The following NBPF12 variants were observed in gnomAD, a reference collection of about 807,000 sequenced individuals.
NBPF12 encodes the protein NBPF member 12.
NBPF12 carries 115 observed loss-of-function variants against 146.4 expected under a neutral mutation model. The observed-to-expected ratio is 0.79, with a 90% CI of 0.68 to 0.92. The LOEUF (loss-of-function observed/expected upper bound fraction) is 0.92. Ranked by LOEUF, NBPF12 falls within the 40% of genes least tolerant of loss-of-function variation. The pLI is 0.00. For synonymous variants in NBPF12, 385 were observed against 508.9 expected, an observed-to-expected ratio of 0.76 and a Z score of 3.28; for missense variants, 1,205 against 1,326.8, an observed-to-expected ratio of 0.91 and a Z score of 1.43.
rs374508059 is a variant in NBPF12, at chr1:146,994,923, A to G, written c.*348A>G. On this transcript the variant is annotated 3_prime_UTR_variant, in exon 34 of 34. Coordinates refer to ENST00000617844, the Ensembl canonical transcript of NBPF12. ...TCTATACCTACTCAAGGTCAGTGTC[A>G]TCTTTGTGTTTAGTTCATCCAAAGG... 1,984 of 384,292 alleles carry G rather than the reference A, an allele frequency of 5.2e-3. 56 individuals are homozygous for G. Among genetic ancestry groups the G allele is most frequent in the South Asian group, 0.041 (1,674 of 40,394 alleles). The allele number at this position is 384,292 out of a possible 1,614,324, so 23.8% of individuals were successfully genotyped here.
chr1:146,948,513 G>C (rs1655173221), upstream of NBPF12, among the ~76,000 whole-genome samples: 1 of 151,770 alleles, frequency 6.6e-6, no homozygotes, highest in South Asian at 2.1e-4. Context: ...GGCTGTTCAG[G>C]GTGTGCTTTG....
Position 146,944,035 on chromosome 1 carries a change from C to T in NBPF12, c.-550+473C>T, listed in dbSNP as rs1654915546. On this transcript the variant is annotated intron_variant, in intron 2 of 35. Transcript: ENST00000617931. ...TGTGTGTGGTTTTAGGCAGTGCCCTCTAGGTGTGTCCAGGATGGGGAAACA... is the reference window on the plus strand; with the variant it reads ...TGTGTGTGGTTTTAGGCAGTGCCCTTTAGGTGTGTCCAGGATGGGGAAACA... 3.6e-5 allele frequency among the ~76,000 whole-genome samples: 4 copies of T among 111,434 alleles called. 1 individual carries two copies. The highest frequency in any genetic ancestry group is 7.2e-5 in the Non-Finnish European group (4 of 55,694). The allele number at this position is 111,434 out of a possible 152,430, so 73.1% of individuals were successfully genotyped here. A position where few individuals can be genotyped will look rare whatever the true frequency, so the allele number is the denominator to read the frequency against.
chr1:146,939,362 C>G (rs1297714122), intron 1 of NBPF12, among the ~76,000 whole-genome samples: 48 of 152,180 alleles, frequency 3.2e-4, no homozygotes, highest in Non-Finnish European at 6.0e-4. Context: ...AGCGCTCGCG[C>G]CCCTGACTTG....
chr1:146,955,823 G>A (rs1457629710), intron 2 of NBPF12, among the ~76,000 whole-genome samples: 32 of 151,370 alleles, frequency 2.1e-4, no homozygotes, highest in Non-Finnish European at 4.3e-4. Flanking sequence ...TGGAGGCCTG[G>A]GGAGTTTCTT....
chr1:146,992,596 G>A lies in NBPF12; in HGVS notation c.3849-116G>A, dbSNP rs1272058188. The A allele has an allele frequency of 1.6e-5, 11 of 684,342 alleles. 1 individual carries two copies. Among genetic ancestry groups the A allele is most frequent in the Admixed American group, 2.3e-5 (1 of 44,412 alleles). 42.4% of individuals were successfully genotyped at this position (684,342 alleles called of 1,614,324 possible). A position where few individuals can be genotyped will look rare whatever the true frequency, so the allele number is the denominator to read the frequency against. Reference sequence around the variant, plus strand: ...GGCAATAATTTGTTACCTCATTAATGGATCTATCCTTTTACTTTTTTTAAC... The same window carrying A: ...GGCAATAATTTGTTACCTCATTAATAGATCTATCCTTTTACTTTTTTTAAC... On this transcript the variant is annotated intron_variant, in intron 31 of 33. Transcript: ENST00000617844.
At chr1:146,951,543 A>G in intron 2 of NBPF12, 54 bp downstream of exon 5, 1 of 560,038 alleles carries the variant, frequency 1.8e-6, no homozygotes, top group African/African-American at 2.0e-5. Flanking sequence ...TAGTTTTTCC[A>G]GGGCAGAGAT....
At chr1:146,964,061 G>C (rs1656032153) in intron 6 of NBPF12, among the ~76,000 whole-genome samples, 1 of 132,174 alleles carries the variant, frequency 7.6e-6, no homozygotes, top group Non-Finnish European at 1.6e-5. Context: ...TCTGTGGCAG[G>C]ATGGGGGAGA....
rs1172809372 is a variant in NBPF12 at position 146,971,034 on chromosome 1, G to T, written c.1380-149G>T. 4 of 1,244,802 alleles carry T rather than the reference G, an allele frequency of 3.2e-6. No homozygotes were observed. In the East Asian group the frequency reaches 9.4e-5, roughly 29 times the overall value. 77.1% of individuals were successfully genotyped at this position (1,244,802 alleles called of 1,614,324 possible). ...GCCATGCTCTGTTGCAGAGAGAAGA[G>T]GATTGCCTGTTCCCTCTTAAAGGGA... On this transcript the variant is annotated intron_variant, in intron 12 of 33. Coordinates refer to ENST00000617844, the Ensembl canonical transcript of NBPF12.
chr1:146,972,814 GC>G lies in NBPF12; in HGVS notation c.1656del (p.Ser552ArgfsTer6). 5 of 1,373,208 alleles carry G rather than the reference GC, an allele frequency of 3.6e-6. No homozygotes were observed. The South Asian group carries it at 5.8e-5, about 16-fold the overall frequency. The allele number at this position is 1,373,208 out of a possible 1,614,324, so 85.1% of individuals were successfully genotyped here. On this transcript the variant is annotated frameshift_variant, in exon 14 of 34. Transcript: ENST00000617844. LOFTEE classifies it high-confidence loss of function. Reference sequence around the variant, plus strand: ...GTGGTATCAGCCGGCCCTTTGTCCAGCGAGAAGGCAGAGATGAACATTCTAG... The same window carrying G: ...GTGGTATCAGCCGGCCCTTTGTCCAGGAGAAGGCAGAGATGAACATTCTAG...
chr1:146,967,702 G>C lies in NBPF12; in HGVS notation c.989-746G>C, dbSNP rs1419900366. On this transcript the variant is annotated intron_variant, in intron 9 of 33. Transcript: ENST00000617844. ...GGGCTCCATCCAAGGTGCTTGTCTT[G>C]TCTGTCCCTCAGTTTCCTCACCTGT... Among the ~76,000 whole-genome samples, 270 of 149,878 alleles carry C rather than the reference G, an allele frequency of 1.8e-3. 3 individuals carry two copies. Among genetic ancestry groups the C allele is most frequent in the African/African-American group, 6.5e-3 (260 of 39,820 alleles).
intron 16 of NBPF12, 120 bp from the exon 20 acceptor site, chr1:146,976,809 G>T (rs1657064818): frequency 3.5e-6 from 2 of 566,094 alleles, no homozygotes; most frequent in Non-Finnish European, 3.1e-6. Context: ...TAAAACATGA[G>T]AGTTTTCAGT....
rs1553885438 is a variant in NBPF12 at position 146,965,089 on chromosome 1, C to G, written c.763C>G (p.Leu255Val). Residue 255 changes from leucine to valine, a missense_variant, in exon 8 of 34, where the codon CTA becomes GTA. Transcript: ENST00000617844. The stretch of plus-strand genomic sequence containing the variant: ...CTCTCATGATGAATGTCAGGATGCT[C>G]TAAACATTCTCCCAGGTAGCCTCTA... The G allele has an allele frequency of 6.3e-6, 10 of 1,594,124 alleles. 1 individual carries two copies. Among genetic ancestry groups the G allele is most frequent in the African/African-American group, 1.4e-5 (1 of 71,260 alleles).
intron 1 of NBPF12, among the ~76,000 whole-genome samples, chr1:146,940,961 T>G (rs1654773815): frequency 6.6e-6 from 1 of 152,148 alleles, no homozygotes; most frequent in Non-Finnish European, 1.5e-5. Context: ...TTCTGTTGAT[T>G]TGTAATACTT....
chr1:146,963,089 C>T lies in NBPF12; in HGVS notation c.279-6C>T, dbSNP rs1655967734. 1 of 1,609,996 alleles carries T rather than the reference C, an allele frequency of 6.2e-7. No homozygotes were observed. The highest frequency in any genetic ancestry group is 1.1e-5 in the South Asian group (1 of 90,946). ...CTGTTAAATTTTCTCTACCGTCTCA[C>T]CTTAGGCAATATAAAGTCCTGGTTC... On this transcript the variant is annotated splice_region_variant and splice_polypyrimidine_tract_variant and intron_variant, in intron 5 of 33. Coordinates refer to ENST00000617844, the Ensembl canonical transcript of NBPF12.
intron 2 of NBPF12, among the ~76,000 whole-genome samples, chr1:146,954,951 T>G (rs1655509022): frequency 1.8e-5 from 2 of 111,168 alleles, no homozygotes; most frequent in South Asian, 3.1e-4. Context: ...TTTTGAAGAT[T>G]ATCATCTCCA....
At chr1:146,995,925 A>C (rs1553890498) in exon 34 of NBPF12, 1 of 150,724 alleles carries the variant, frequency 6.6e-6, no homozygotes, top group East Asian at 1.9e-4. Context: ...GCCTGTGTCT[A>C]TTATTATATA....
chr1:146,961,875 C>G (rs1655872758), intron 4 of NBPF12, among the ~76,000 whole-genome samples: 1 of 152,214 alleles, frequency 6.6e-6, no homozygotes, highest in South Asian at 2.1e-4. Context: ...CATTCAGAGT[C>G]AGACCTCAGG....
chr1:146,940,518 T>A (rs1381753262), intron 1 of NBPF12, among the ~76,000 whole-genome samples: 3 of 150,120 alleles, frequency 2.0e-5, no homozygotes, highest in Non-Finnish European at 4.4e-5. Flanking sequence ...ATCGTGCCAG[T>A]GCACTCTGGC....
chr1:146,943,736 G>A (rs1230973510), intron 2 of NBPF12, among the ~76,000 whole-genome samples, 174 bp downstream of exon 2: 2 of 151,966 alleles, frequency 1.3e-5, no homozygotes, highest in Non-Finnish European at 2.9e-5. Context: ...CACAGCATGT[G>A]CCACCCTGGA....
Sources: gnomAD v4.1 joint callset for allele counts (sites outside exome capture counted in the v4.1 genomes callset) on GRCh38, gnomAD v4.1.1 for gene constraint, MANE v1.5 for transcripts, NCBI Gene and HGNC (gene_info 2026-07-23, HGNC 2026-07-21) for gene names.